CDH23: variants seen among roughly 807,000 people sequenced by gnomAD.
CDH23 encodes the protein cadherin-23.
Under a neutral mutation model 317.1 loss-of-function variants are expected in CDH23, and 189 were observed. The ratio of observed to expected loss-of-function variants is 0.60; its 90% CI spans 0.53 to 0.67. The LOEUF is 0.67. Ranked by LOEUF, CDH23 falls within the 30% of genes least tolerant of loss-of-function variation. The pLI, the probability that CDH23 is intolerant of heterozygous loss-of-function variation, is 0.00. For synonymous variants in CDH23, 1,839 were observed against 1,876.8 expected (o/e 0.98, Z 0.52); for missense variants, 4,401 against 4,592.4 (o/e 0.96, Z 1.20).
chr10:71,607,456 G>A (rs945421903), intron 9 of CDH23, among the ~76,000 whole-genome samples: 1 of 152,228 alleles, frequency 6.6e-6, no homozygotes, highest in Admixed American at 6.5e-5. Flanking sequence ...GGGGTTTTGT[G>A]AGACTGAATA....
intron 23 of CDH23, 79 bp downstream of exon 23, chr10:71,702,290 TG>T: frequency 6.8e-7 from 1 of 1,468,350 alleles, no homozygotes; most frequent in Non-Finnish European, 9.4e-7. Flanking sequence ...CTGGGGTACC[TG>T]GGGCCCACCC....
intron 41 of CDH23, among the ~76,000 whole-genome samples, chr10:71,783,343 C>A (rs1336233063): frequency 6.6e-6 from 1 of 152,232 alleles, no homozygotes; most frequent in African/African-American, 2.4e-5. Context: ...CACCCCGCCC[C>A]GGTCAGCTCT....
In CDH23 at chr10:71,805,813, C is replaced by G. The variant is rs1212690615; in HGVS notation, c.7880C>G (p.Pro2627Arg). The G allele has an allele frequency of 6.2e-7, 1 of 1,612,650 alleles. No individual in the cohort carries two copies. Among genetic ancestry groups the G allele is most frequent in the East Asian group, 2.2e-5 (1 of 44,858 alleles). Residue 2627 changes from proline to arginine, a missense_variant, in exon 56 of 70, where the codon CCG becomes CGG. Coordinates refer to ENST00000224721, the MANE Select transcript of CDH23 (RefSeq NM_022124.6). ...TCCCCATGCTCCCCACAGGAGATCC[C>G]GCTGCGCTCCAACGTGTACGAGGTC... ...GTILHIREEI[P>R]LRSNVYEVYA...
At chr10:71,793,741 C>T in intron 48 of CDH23, 101 bp downstream of exon 48, 1 of 880,046 alleles carries the variant, frequency 1.1e-6, no homozygotes, top group Non-Finnish European at 1.7e-6. Flanking sequence ...CTTTGCTGTT[C>T]CCTTGCTACT....
At chr10:71,441,591 G>A (rs867193325) in intron 2 of CDH23, among the ~76,000 whole-genome samples, 9 of 152,138 alleles carry the variant, frequency 5.9e-5, no homozygotes, top group East Asian at 1.9e-4. Context: ...TGGTGGTGGC[G>A]CACACTTGTA....
Position 71,403,314 on chromosome 10 carries a change from T to TCTTTCTTC in CDH23, c.-6+5999_-6+6000insTCTTCCTT, listed in dbSNP as rs1847873707. Among the ~76,000 whole-genome samples, 24 of 102,804 alleles carry TCTTTCTTC rather than the reference T, an allele frequency of 2.3e-4. 1 individual carries two copies. Among genetic ancestry groups the TCTTTCTTC allele is most frequent in the African/African-American group, 1.6e-3 (23 of 13,978 alleles). The allele number at this position is 102,804 out of a possible 152,430, so 67.4% of individuals were successfully genotyped here. On this transcript the variant is annotated intron_variant, in intron 1 of 69. Transcript: ENST00000224721. ...CATTTGCTTGCTTTCTCTTTCTCTT[T>TCTTTCTTC]CTTCCTTCCTTCCTTTCTTTCTTTC...
chr10:71,730,306 G>A (rs1267255640), intron 30 of CDH23, among the ~76,000 whole-genome samples, 163 bp from the exon 31 acceptor site: 1 of 152,214 alleles, frequency 6.6e-6, no homozygotes, highest in Non-Finnish European at 1.5e-5. Context: ...GCTGTGCAAG[G>A]TGGTGGTCAC....
intron 6 of CDH23, among the ~76,000 whole-genome samples, chr10:71,535,270 G>A (rs113147721): frequency 1.1e-4 from 17 of 152,296 alleles, no homozygotes; most frequent in African/African-American, 3.4e-4. Context: ...GTCTTGCTCC[G>A]GGCCCACTTT....
At chr10:71,615,197 G>A (rs565549323) in intron 9 of CDH23, among the ~76,000 whole-genome samples, 22 of 152,146 alleles carry the variant, frequency 1.4e-4, no homozygotes, top group Non-Finnish European at 2.8e-4. Context: ...GAAATCAAGC[G>A]AGTCTAGAGA....
intron 6 of CDH23, among the ~76,000 whole-genome samples, chr10:71,538,424 G>A (rs1038375232): frequency 6.6e-5 from 10 of 151,596 alleles, no homozygotes; most frequent in African/African-American, 1.7e-4. Context: ...GGCCTCACTC[G>A]ACGTTTGGGA....
intron 9 of CDH23, among the ~76,000 whole-genome samples, chr10:71,581,968 G>A (rs1423654375): frequency 6.6e-6 from 1 of 152,214 alleles, no homozygotes. Flanking sequence ...CCACCTGCCA[G>A]CAATGTATCT....
At chr10:71,718,152 T>G (rs1219021629) in intron 28 of CDH23, among the ~76,000 whole-genome samples, 1 of 152,212 alleles carries the variant, frequency 6.6e-6, no homozygotes, top group African/African-American at 2.4e-5. Flanking sequence ...CAGTTGAGTT[T>G]CTAGCACGGA....
intron 38 of CDH23, chr10:71,749,062 G>C (rs1564773246): frequency 6.6e-6 from 1 of 152,402 alleles, no homozygotes; most frequent in African/African-American, 2.4e-5. Context: ...CCACACAGCA[G>C]CAGCCAGGCC....
intron 3 of CDH23, among the ~76,000 whole-genome samples, chr10:71,455,353 TG>T (rs1850641259): frequency 2.6e-5 from 4 of 151,418 alleles, no homozygotes; most frequent in Admixed American, 2.0e-4. Context: ...TTCCCACTAA[TG>T]TTTTTTTTTT....
chr10:71,688,740 G>A, intron 19 of CDH23, among the ~76,000 whole-genome samples: 1 of 139,716 alleles, frequency 7.2e-6, no homozygotes, highest in Non-Finnish European at 1.6e-5. Context: ...GTCAAGGGTG[G>A]TGGAGCCAGG....
intron 9 of CDH23, among the ~76,000 whole-genome samples, chr10:71,602,082 G>A (rs576333968): frequency 1.1e-4 from 17 of 152,136 alleles, no homozygotes; most frequent in Non-Finnish European, 1.8e-4. Context: ...CCTGAACCTC[G>A]TCCGACCACA....
At chr10:71,663,453 C>T (rs766371421) in intron 14 of CDH23, among the ~76,000 whole-genome samples, 67 of 152,376 alleles carry the variant, frequency 4.4e-4, no homozygotes, top group Non-Finnish European at 8.5e-4. Flanking sequence ...CTGCCTCCTC[C>T]AGGAAGCCCT....
At chr10:71,690,281 G>A (rs187514962) in intron 19 of CDH23, among the ~76,000 whole-genome samples, 187 bp from the exon 20 acceptor site, 2 of 152,108 alleles carry the variant, frequency 1.3e-5, no homozygotes, top group Non-Finnish European at 1.5e-5. Flanking sequence ...CAAGAGCAAC[G>A]ATTGAGCCGC....
rs370747698 is a variant in CDH23 at position 71,677,476 on chromosome 10, C to T, written c.1535C>T (p.Thr512Met). 3.0e-5 allele frequency: 48 copies of T among 1,609,584 alleles called. No homozygotes were observed. The highest frequency in any genetic ancestry group is 1.6e-4 in the Middle Eastern group (1 of 6,082). ...CACAGGTTCTCGCTGGACAAGGACA[C>T]GGGACTCATCATGCTGATTGCCAGG... ...DPDRFSLDKD[T>M]GLIMLIARLD... The change falls in exon 16 of 70, where the codon ACG becomes ATG. Residue 512 changes from threonine to methionine, a missense_variant. Thr to Met is a moderately conservative substitution (Grantham distance 81). Coordinates refer to ENST00000224721, the MANE Select transcript of CDH23 (RefSeq NM_022124.6).
Sources: allele counts gnomAD v4.1 joint callset (sites outside exome capture counted in the v4.1 genomes callset), GRCh38; gene constraint gnomAD v4.1.1; transcripts MANE v1.5; gene names NCBI Gene and HGNC (gene_info 2026-07-23, HGNC 2026-07-21).